Variants in TYW1B observed in about 807,000 individuals in gnomAD.
TYW1B encodes the protein tRNA-yW synthesizing protein 1 homolog B.
TYW1B carries 73 observed loss-of-function variants against 86.9 expected under a neutral mutation model. The ratio of observed to expected loss-of-function variants is 0.84; its 90% CI spans 0.70 to 1.02. TYW1B has a LOEUF of 1.02. TYW1B is among the 50% of genes least tolerant of loss of function. The pLI is 0.00. For synonymous variants in TYW1B, 248 were observed against 292.8 expected (o/e 0.85, Z 1.56); for missense variants, 637 against 827.4 (o/e 0.77, Z 2.82).
At chr7:72,602,547 T>C (rs1277354532) in intron 13 of TYW1B, among the ~76,000 whole-genome samples, 1 of 152,084 alleles carries the variant, frequency 6.6e-6, no homozygotes, top group Non-Finnish European at 1.5e-5. Context: ...TCTAACACCA[T>C]TCTCCAATAA....
At chr7:72,720,994 C>T (rs576229941) in intron 9 of TYW1B, among the ~76,000 whole-genome samples, 11 of 148,548 alleles carry the variant, frequency 7.4e-5, no homozygotes, top group South Asian at 4.3e-4. Context: ...TGAGAACATG[C>T]GGTGTTTGGT....
intron 13 of TYW1B, among the ~76,000 whole-genome samples, chr7:72,615,205 C>A (rs1252651191): frequency 3.3e-5 from 5 of 152,220 alleles, no homozygotes; most frequent in Non-Finnish European, 7.3e-5. Context: ...TTCCTCTATC[C>A]TCATGGGAAA....
intron 13 of TYW1B, among the ~76,000 whole-genome samples, chr7:72,607,265 C>G (rs782816624): frequency 1.3e-5 from 2 of 151,568 alleles, no homozygotes; most frequent in Non-Finnish European, 1.5e-5. Flanking sequence ...TGGTGGTACA[C>G]GCCTGTAATC....
At chr7:72,662,090 G>C (rs1554444525) in intron 11 of TYW1B, among the ~76,000 whole-genome samples, 23 of 152,174 alleles carry the variant, frequency 1.5e-4, no homozygotes, top group Non-Finnish European at 1.5e-5. Context: ...GTCATAATGG[G>C]TTATAAACAG....
rs1342258073 is a variant in TYW1B, at chr7:72,807,333, C to T, written c.456G>A (p.Trp152Ter). 1.2e-6 allele frequency: 2 copies of T among 1,612,146 alleles called. No individual in the cohort carries two copies. The highest frequency in any genetic ancestry group is 1.7e-6 in the Non-Finnish European group (2 of 1,178,428). ...FNKVGKNVDK[W>*]LWMLGVHRVM... ...CACGATGCACGCCAAGCATCCAGAGCCACTTGTCAACATTTTTGCCAACCT... is the reference window on the plus strand; with the variant it reads ...CACGATGCACGCCAAGCATCCAGAGTCACTTGTCAACATTTTTGCCAACCT... The change falls in exon 5 of 14, where the codon TGG (tryptophan) becomes TGA (stop). Residue 152 changes from tryptophan (W) to a stop codon, truncating the protein, a stop_gained. Coordinates refer to ENST00000620995, the MANE Select transcript of TYW1B (RefSeq NM_001145440.3). LOFTEE classifies it high-confidence loss of function.
intron 13 of TYW1B, among the ~76,000 whole-genome samples, chr7:72,587,397 C>T (rs376649839): frequency 1.3e-5 from 2 of 152,106 alleles, no homozygotes; most frequent in Admixed American, 6.6e-5. Flanking sequence ...TTACTCAAAT[C>T]GGTGTCCCTG....
chr7:72,734,231 G>A (rs1402633616), intron 8 of TYW1B, among the ~76,000 whole-genome samples: 1 of 97,286 alleles, frequency 1.0e-5, no homozygotes, highest in Non-Finnish European at 2.0e-5. Flanking sequence ...GCGCTCCAGC[G>A]CAGGCAACAG....
intron 11 of TYW1B, among the ~76,000 whole-genome samples, chr7:72,629,594 T>A (rs1262806185): frequency 1.3e-5 from 2 of 152,192 alleles, no homozygotes; most frequent in African/African-American, 4.8e-5. Context: ...TTGTCCAGGC[T>A]GGAGTGCAGT....
chr7:72,744,168 T>C (rs1354852447), intron 8 of TYW1B, among the ~76,000 whole-genome samples: 1 of 152,070 alleles, frequency 6.6e-6, no homozygotes, highest in Non-Finnish European at 1.5e-5. Flanking sequence ...CACAAAAGGA[T>C]AGAATAAAAA....
At chr7:72,744,363 A>C in intron 8 of TYW1B, 121 bp downstream of exon 8, 1 of 1,092,366 alleles carries the variant, frequency 9.2e-7, no homozygotes. Context: ...TAACATTCAC[A>C]GTGAAAAAGA....
intron 13 of TYW1B, among the ~76,000 whole-genome samples, chr7:72,599,565 T>C (rs1349753071): frequency 6.6e-6 from 1 of 152,046 alleles, no homozygotes; most frequent in Admixed American, 6.6e-5. Flanking sequence ...ATAAAAGATA[T>C]ACAGATTAGG....
At chr7:72,746,900 G>A (rs1244667358) in intron 7 of TYW1B, among the ~76,000 whole-genome samples, 10 of 152,130 alleles carry the variant, frequency 6.6e-5, no homozygotes, top group African/African-American at 1.2e-4. Context: ...AATGTTTTTC[G>A]TTTTAAAAAA....
intron 11 of TYW1B, among the ~76,000 whole-genome samples, chr7:72,642,946 T>C (rs1233085870): frequency 2.0e-5 from 3 of 152,128 alleles, no homozygotes; most frequent in Admixed American, 6.6e-5. Context: ...ACGCGCTAAC[T>C]TGGAAAACAT....
chr7:72,587,804 TTATAAAC>T (rs1323668932), intron 13 of TYW1B, among the ~76,000 whole-genome samples: 1 of 152,184 alleles, frequency 6.6e-6, no homozygotes, highest in African/African-American at 2.4e-5. Flanking sequence ...TTGTTTTAAA[TTATAAAC>T]TATAAACTAA....
intron 6 of TYW1B, among the ~76,000 whole-genome samples, chr7:72,791,854 C>A (rs1296819059): frequency 6.6e-6 from 1 of 152,160 alleles, no homozygotes; most frequent in African/African-American, 2.4e-5. Flanking sequence ...TTTTCTGTAT[C>A]CTTTCCTCTA....
At chr7:72,775,944 TA>T (rs1368145753) in intron 7 of TYW1B, among the ~76,000 whole-genome samples, 1 of 152,198 alleles carries the variant, frequency 6.6e-6, no homozygotes, top group Non-Finnish European at 1.5e-5. Flanking sequence ...TAAAAATAGA[TA>T]TTTTTGTTGA....
chr7:72,688,141 A>G (rs562713510), intron 11 of TYW1B, among the ~76,000 whole-genome samples: 2 of 152,358 alleles, frequency 1.3e-5, no homozygotes, highest in African/African-American at 2.4e-5. Context: ...ACTGTAGAAG[A>G]TGTAATACAA....
At chr7:72,632,768 A>G (rs571931180) in intron 11 of TYW1B, among the ~76,000 whole-genome samples, 6 of 152,116 alleles carry the variant, frequency 3.9e-5, no homozygotes, top group African/African-American at 1.4e-4. Flanking sequence ...GTAGCTTGGC[A>G]AAGATTCCAA....
At chr7:72,686,773 T>A (rs1418510862) in intron 11 of TYW1B, among the ~76,000 whole-genome samples, 1 of 152,136 alleles carries the variant, frequency 6.6e-6, no homozygotes, top group Non-Finnish European at 1.5e-5. Context: ...GTGGGTGATG[T>A]TGATAAGGAG....
Sources: allele counts gnomAD v4.1 joint callset (sites outside exome capture counted in the v4.1 genomes callset), GRCh38; gene constraint gnomAD v4.1.1; transcripts MANE v1.5; gene names NCBI Gene and HGNC (gene_info 2026-07-23, HGNC 2026-07-21).